Variants in HYDIN observed in about 807,000 individuals in gnomAD.
HYDIN encodes the protein HYDIN axonemal central pair apparatus protein.
In HYDIN, 132 loss-of-function variants were observed where a neutral mutation model predicts 403.9. The ratio of observed to expected loss-of-function variants is 0.33; its 90% CI spans 0.28 to 0.38. The LOEUF (loss-of-function observed/expected upper bound fraction) is 0.38. HYDIN is among the 10% of genes least tolerant of loss of function. The pLI, the probability that HYDIN is intolerant of heterozygous loss-of-function variation, is 1.00. For missense variants in HYDIN, 2,827 were observed against 5,009.5 expected (o/e 0.56, Z 13.15); for synonymous variants, 1,202 against 1,891.7 (o/e 0.64, Z 9.46).
At chr16:71,230,370 A>C (rs2041226199) in intron 1 of HYDIN, among the ~76,000 whole-genome samples, 192 bp downstream of exon 1, 1 of 152,146 alleles carries the variant, frequency 6.6e-6, no homozygotes, top group African/African-American at 2.4e-5. Flanking sequence ...AATCCCAAGA[A>C]CAAAAATCCG....
At chr16:70,905,180 A>C (rs2076500203) in intron 50 of HYDIN, among the ~76,000 whole-genome samples, 1 of 151,878 alleles carries the variant, frequency 6.6e-6, no homozygotes, top group East Asian at 1.9e-4. Flanking sequence ...AACAGAGAAC[A>C]CTCCGTATGA....
At position 70,860,767 on chromosome 16, in the gene HYDIN, C is replaced by T. The variant is rs1413139082; in HGVS notation, c.11912G>A (p.Gly3971Glu). 8.4e-6 allele frequency: 5 copies of T among 592,188 alleles called. No individual in the cohort carries two copies. Among genetic ancestry groups the T allele is most frequent in the Non-Finnish European group, 1.5e-5 (5 of 340,908 alleles). The allele number at this position is 592,188 out of a possible 1,614,324, so 36.7% of individuals were successfully genotyped here. ...SGHQRNPELR[G>E]SSGGALDPNT... ...TGGATCCAGAGCTCCCCCACTGGAC[C>T]CTCGGAGCTCTGGGTTGCGCTGATG... Residue 3971 changes from glycine (G) to glutamate (E), a missense_variant, in exon 70 of 86, where the codon GGG (glycine) becomes GAG (glutamate). Physicochemically the swap from Gly to Glu is moderately conservative, Grantham distance 98 (BLOSUM62 -2). Transcript: ENST00000393567.
chr16:71,003,423 T>C (rs962800794), intron 23 of HYDIN, among the ~76,000 whole-genome samples: 2 of 152,172 alleles, frequency 1.3e-5, no homozygotes, highest in African/African-American at 4.8e-5. Flanking sequence ...ATAAATATTG[T>C]GTTTTTATGT....
chr16:70,848,739 G>A (rs1481440426), intron 75 of HYDIN, among the ~76,000 whole-genome samples: 1 of 98,694 alleles, frequency 1.0e-5, no homozygotes, highest in African/African-American at 4.1e-5. Context: ...GGACCCAAAG[G>A]TTAGTCAGAG....
chr16:71,073,431 T>G (rs1244236124), intron 13 of HYDIN, among the ~76,000 whole-genome samples: 1 of 152,192 alleles, frequency 6.6e-6, no homozygotes. Flanking sequence ...CCCGACTCCC[T>G]ACTTTACACC....
In HYDIN at chr16:70,833,972, C is replaced by T. The variant is rs2037192514; in HGVS notation, c.13594G>A (p.Glu4532Lys). 4 of 1,612,738 alleles carry T rather than the reference C, an allele frequency of 2.5e-6. No homozygotes were observed. The highest frequency in any genetic ancestry group is 3.4e-6 in the Non-Finnish European group (4 of 1,179,442). The change falls in exon 79 of 86, where the codon GAA (glutamate) becomes AAA (lysine). Residue 4532 changes from glutamate to lysine, a missense_variant. Physicochemically the swap from Glu to Lys is moderately conservative, Grantham distance 56 (BLOSUM62 1). Coordinates refer to ENST00000393567, the MANE Select transcript of HYDIN (RefSeq NM_001270974.2). ...ACCACGGGTCCAAAGGGAATATGTT[C>T]CTGGTCCAGTGAGATCTCCAGGGCC... Reference protein sequence around the residue: ...CQALEISLDQEHIPFGPVVYQ... With the variant: ...CQALEISLDQKHIPFGPVVYQ...
At chr16:70,950,328 G>A (rs1456048888) in intron 41 of HYDIN, among the ~76,000 whole-genome samples, 2 of 151,898 alleles carry the variant, frequency 1.3e-5, no homozygotes, top group African/African-American at 4.8e-5. Context: ...TTGGCTCACT[G>A]CAACCTCCAC....
chr16:70,975,356 AT>A (rs1277671534), intron 30 of HYDIN, 87 bp from the exon 31 acceptor site: 1 of 170,700 alleles, frequency 5.9e-6, no homozygotes, highest in Non-Finnish European at 1.1e-5. Context: ...AGAGGCAAAA[AT>A]TAGTTCTTGG....
At chr16:70,872,414 CAT>C (rs1231820401) in intron 64 of HYDIN, among the ~76,000 whole-genome samples, 3,484 of 144,350 alleles carry the variant, frequency 0.024, 148 homozygotes, top group African/African-American at 0.089. Flanking sequence ...ATCCATCCAT[CAT>C]CCACCCACCC....
rs567513703 is a variant in HYDIN, at chr16:70,805,842, T to G, written c.*1738A>C. On this transcript the variant is annotated 3_prime_UTR_variant, in exon 86 of 86. Coordinates refer to ENST00000393567, the MANE Select transcript of HYDIN (RefSeq NM_001270974.2). ...GGCTTCAGTTACCTGTGGTCAACTG[T>G]GGAATGAAAATATTTAATGAAAAAT... 4.0e-4 allele frequency among the ~76,000 whole-genome samples: 61 copies of G among 152,326 alleles called. No individual in the cohort carries two copies. Among genetic ancestry groups the G allele is most frequent in the African/African-American group, 1.3e-3 (55 of 41,576 alleles).
intron 10 of HYDIN, among the ~76,000 whole-genome samples, chr16:71,110,430 TAAATATATAAATAATA>T (rs1454844610): frequency 2.1e-5 from 3 of 141,180 alleles, no homozygotes; most frequent in Non-Finnish European, 4.6e-5. Context: ...TATATAATTA[TAAATATATAAATAATA>T]TAATATATAA....
At chr16:71,197,702 C>A (rs541669089) in intron 1 of HYDIN, among the ~76,000 whole-genome samples, 1 of 152,146 alleles carries the variant, frequency 6.6e-6, no homozygotes, top group Admixed American at 6.6e-5. Flanking sequence ...AAGGTAACCA[C>A]TATCCTCACT....
intron 18 of HYDIN, among the ~76,000 whole-genome samples, chr16:71,057,775 G>C (rs1243931649): frequency 1.4e-5 from 2 of 147,606 alleles, no homozygotes; most frequent in Admixed American, 1.4e-4. Flanking sequence ...ATCAAAAAGT[G>C]GGCGAAGGAC....
intron 1 of HYDIN, among the ~76,000 whole-genome samples, chr16:71,221,784 G>A (rs942180803): frequency 3.9e-5 from 6 of 152,166 alleles, no homozygotes; most frequent in Non-Finnish European, 5.9e-5. Flanking sequence ...GAAATATAGT[G>A]TTAAATCAAG....
chr16:71,033,788 G>C (rs2080996204), intron 18 of HYDIN, among the ~76,000 whole-genome samples: 1 of 151,996 alleles, frequency 6.6e-6, no homozygotes, highest in Non-Finnish European at 1.5e-5. Context: ...GAACTTAAAA[G>C]AAAATAAATC....
intron 21 of HYDIN, among the ~76,000 whole-genome samples, chr16:71,022,060 C>G (rs1045971389): frequency 1.3e-5 from 2 of 151,622 alleles, no homozygotes; most frequent in East Asian, 3.9e-4. Context: ...ACTCACCTTG[C>G]CTCTGCGGGT....
chr16:71,085,515 T>C (rs1292215781), intron 12 of HYDIN, among the ~76,000 whole-genome samples: 1 of 151,500 alleles, frequency 6.6e-6, no homozygotes, highest in Non-Finnish European at 1.5e-5. Context: ...CTATTTCCTT[T>C]GTGATCTTCT....
intron 56 of HYDIN, among the ~76,000 whole-genome samples, chr16:70,892,108 CT>C (rs1472429033): frequency 1.3e-5 from 2 of 152,106 alleles, no homozygotes; most frequent in African/African-American, 4.8e-5. Flanking sequence ...ATCCTTTGCA[CT>C]TGATGATGGG....
At chr16:71,040,499 C>G (rs1174515026) in intron 18 of HYDIN, among the ~76,000 whole-genome samples, 10 of 147,322 alleles carry the variant, frequency 6.8e-5, no homozygotes, top group South Asian at 4.5e-4. Flanking sequence ...CCCCCTCCCC[C>G]CCACACACAC....
Sources: gnomAD v4.1 joint callset for allele counts (sites outside exome capture counted in the v4.1 genomes callset) on GRCh38, gnomAD v4.1.1 for gene constraint, MANE v1.5 for transcripts, NCBI Gene and HGNC (gene_info 2026-07-23, HGNC 2026-07-21) for gene names.